Variants in FTCDNL1 observed in about 807,000 individuals in gnomAD.
FTCDNL1 encodes the protein formiminotransferase N-terminal subdomain-containing protein.
A neutral mutation model predicts 5.9 loss-of-function variants in FTCDNL1; 11 were observed. The ratio of observed to expected loss-of-function variants is 1.87; its 90% CI spans 1.18 to 3.10. The LOEUF (loss-of-function observed/expected upper bound fraction) is 3.10. Ranked by LOEUF, FTCDNL1 falls within the 30% of genes most tolerant of loss-of-function variation. FTCDNL1 has a pLI of 0.00. For missense variants in FTCDNL1, 115 were observed against 65.5 expected, an observed-to-expected ratio of 1.76 and a Z score of -2.61; for synonymous variants, 58 against 24.8, an observed-to-expected ratio of 2.34 and a Z score of -3.99.
intron 3 of FTCDNL1, among the ~76,000 whole-genome samples, chr2:199,780,678 T>C (rs977947170): frequency 6.6e-6 from 1 of 152,156 alleles, no homozygotes; most frequent in Non-Finnish European, 1.5e-5. Context: ...CCCTCATTTT[T>C]GGGGTTCTGA....
intron 3 of FTCDNL1, among the ~76,000 whole-genome samples, chr2:199,798,350 C>T (rs1482767078): frequency 6.6e-6 from 1 of 152,180 alleles, no homozygotes; most frequent in Non-Finnish European, 1.5e-5. Context: ...TCAAAGATCT[C>T]AGTCTAGTGA....
chr2:199,666,622 G>A, the FTCDNL1 span, among the ~76,000 whole-genome samples: 2 of 152,086 alleles, frequency 1.3e-5, no homozygotes, highest in African/African-American at 4.8e-5. Flanking sequence ...TAACCTTAAT[G>A]ATGTGATACC....
intron 3 of FTCDNL1, among the ~76,000 whole-genome samples, chr2:199,762,674 G>A (rs1466151350): frequency 1.3e-5 from 2 of 152,104 alleles, no homozygotes; most frequent in African/African-American, 2.4e-5. Flanking sequence ...CCTTTATTGT[G>A]TGATAGTATA....
chr2:199,737,687 T>C, the FTCDNL1 span, among the ~76,000 whole-genome samples: 2 of 152,332 alleles, frequency 1.3e-5, no homozygotes, highest in African/African-American at 4.8e-5. Flanking sequence ...GCTGGCTTCA[T>C]AGGCTCATAG....
chr2:199,825,014 TGTG>T (rs1460391925), intron 3 of FTCDNL1, among the ~76,000 whole-genome samples: 1 of 151,682 alleles, frequency 6.6e-6, no homozygotes, highest in Non-Finnish European at 1.5e-5. Context: ...GGCATACACT[TGTG>T]GTGCCAGCTA....
chr2:199,845,515 G>C (rs1272879480), intron 3 of FTCDNL1, among the ~76,000 whole-genome samples: 1 of 152,028 alleles, frequency 6.6e-6, no homozygotes, highest in African/African-American at 2.4e-5. Flanking sequence ...AGGTTGCAGT[G>C]AGTCGAGATC....
chr2:199,725,372 T>C, the FTCDNL1 span, among the ~76,000 whole-genome samples: 1 of 152,322 alleles, frequency 6.6e-6, no homozygotes, highest in African/African-American at 2.4e-5. Flanking sequence ...ATTGGGACAT[T>C]TAGCTCATTT....
chr2:199,851,137 C>A lies in FTCDNL1; in HGVS notation c.-405G>T. The stretch of plus-strand genomic sequence containing the variant: ...GCCCAAGTCGCCGCCGCGCGTGGCC[C>A]GCGCGCAGCCTCCGCCGCCGCGCGT... On this transcript the variant is annotated 5_prime_UTR_variant, in exon 1 of 5. Transcript: ENST00000420128. 7.3e-6 allele frequency: 1 copy of A among 137,710 alleles called. No homozygotes were observed. The highest frequency in any genetic ancestry group is 6.9e-5 in the Admixed American group (1 of 14,392). 8.5% of individuals were successfully genotyped at this position (137,710 alleles called of 1,614,324 possible).
the FTCDNL1 span, among the ~76,000 whole-genome samples, chr2:199,755,263 C>T: frequency 9.2e-5 from 14 of 152,184 alleles, no homozygotes; most frequent in African/African-American, 3.1e-4. Flanking sequence ...TCTATCTGTT[C>T]TGTTTAGAGT....
At chr2:199,766,106 C>A (rs1210188771) in intron 3 of FTCDNL1, among the ~76,000 whole-genome samples, 1 of 152,162 alleles carries the variant, frequency 6.6e-6, no homozygotes, top group African/African-American at 2.4e-5. Context: ...CCTGGGCAGG[C>A]CAGTGTGAAA....
At chr2:199,668,870 T>A in the FTCDNL1 span, among the ~76,000 whole-genome samples, 1 of 151,902 alleles carries the variant, frequency 6.6e-6, no homozygotes, top group African/African-American at 2.4e-5. Flanking sequence ...GGAGAAAGAA[T>A]CAGATCTGGG....
intron 3 of FTCDNL1, among the ~76,000 whole-genome samples, chr2:199,799,418 C>T (rs952103822): frequency 3.9e-5 from 6 of 152,276 alleles, no homozygotes; most frequent in South Asian, 2.1e-4. Context: ...CCCAAAGAGC[C>T]GGCTGCCTTC....
At chr2:199,718,238 T>C in the FTCDNL1 span, among the ~76,000 whole-genome samples, 3 of 152,128 alleles carry the variant, frequency 2.0e-5, no homozygotes, top group Non-Finnish European at 2.9e-5. Context: ...TCTTTTGTAG[T>C]GTCCAATGTC....
At chr2:199,735,291 G>C in the FTCDNL1 span, among the ~76,000 whole-genome samples, 3 of 152,074 alleles carry the variant, frequency 2.0e-5, no homozygotes, top group East Asian at 5.8e-4. Context: ...CCACATGTTG[G>C]AGAAGGAAGA....
At chr2:199,747,074 C>A in the FTCDNL1 span, among the ~76,000 whole-genome samples, 1 of 150,490 alleles carries the variant, frequency 6.6e-6, no homozygotes, top group Non-Finnish European at 1.5e-5. Context: ...CATACACACA[C>A]AAAACAAAAT....
At chr2:199,802,200 T>C (rs1372622407) in intron 3 of FTCDNL1, among the ~76,000 whole-genome samples, 1 of 152,142 alleles carries the variant, frequency 6.6e-6, no homozygotes, top group Non-Finnish European at 1.5e-5. Context: ...TGTAAGCATA[T>C]TACTAGGGCC....
At chr2:199,769,204 C>T (rs967543606) in intron 3 of FTCDNL1, among the ~76,000 whole-genome samples, 1 of 152,116 alleles carries the variant, frequency 6.6e-6, no homozygotes, top group African/African-American at 2.4e-5. Flanking sequence ...CTGACCTTCA[C>T]TATCTACCAG....
At chr2:199,706,747 G>A in the FTCDNL1 span, among the ~76,000 whole-genome samples, 7 of 152,166 alleles carry the variant, frequency 4.6e-5, no homozygotes, top group South Asian at 2.1e-4. Context: ...AGCTCTGTCC[G>A]CTGAAGTTTC....
the FTCDNL1 span, among the ~76,000 whole-genome samples, chr2:199,691,322 G>A: frequency 9.2e-5 from 14 of 152,088 alleles, no homozygotes; most frequent in Admixed American, 2.0e-4. Context: ...ACAGGCATGC[G>A]CCACCACACC....
Sources: gnomAD v4.1 joint callset for allele counts (sites outside exome capture counted in the v4.1 genomes callset) on GRCh38, gnomAD v4.1.1 for gene constraint, MANE v1.5 for transcripts, NCBI Gene and HGNC (gene_info 2026-07-23, HGNC 2026-07-21) for gene names.